MLIP: variants seen among roughly 807,000 people sequenced by gnomAD.
MLIP encodes the protein muscular LMNA interacting protein.
Under a neutral mutation model 84.8 loss-of-function variants are expected in MLIP, and 79 were observed. That is an observed-to-expected ratio of 0.93 (90% CI 0.78 to 1.12). MLIP has a LOEUF of 1.12. Among genes scored for constraint, MLIP ranks in the 50% most tolerant of loss-of-function variants. MLIP has a pLI of 0.00. For missense variants in MLIP, 1,257 were observed against 1,160.6 expected, an observed-to-expected ratio of 1.08 and a Z score of -1.21; for synonymous variants, 504 against 463.0, an observed-to-expected ratio of 1.09 and a Z score of -1.14.
intron 11 of MLIP, among the ~76,000 whole-genome samples, chr6:54,209,359 C>G (rs980671593): frequency 2.0e-5 from 3 of 152,142 alleles, no homozygotes; most frequent in Non-Finnish European, 2.9e-5. Context: ...AGCTGGTAAT[C>G]AAACTGTGTT....
At chr6:54,213,697 G>A (rs1779620465) in intron 11 of MLIP, among the ~76,000 whole-genome samples, 1 of 84,318 alleles carries the variant, frequency 1.2e-5, no homozygotes, top group African/African-American at 4.7e-5. Flanking sequence ...AATGGAGTGA[G>A]ACTTTGTCTC....
chr6:54,242,467 A>C (rs1427532390), intron 12 of MLIP, among the ~76,000 whole-genome samples: 1 of 152,198 alleles, frequency 6.6e-6, no homozygotes, highest in Non-Finnish European at 1.5e-5. Flanking sequence ...TATTAATATT[A>C]TAGTCATATA....
chr6:54,126,132 TC>T (rs1279685625), intron 3 of MLIP, among the ~76,000 whole-genome samples: 2 of 152,132 alleles, frequency 1.3e-5, no homozygotes, highest in African/African-American at 4.8e-5. Flanking sequence ...AATATTTCTT[TC>T]TTGCCTCAGA....
intron 10 of MLIP, among the ~76,000 whole-genome samples, chr6:54,200,871 A>G (rs1035688334): frequency 1.3e-5 from 2 of 152,218 alleles, no homozygotes; most frequent in African/African-American, 4.8e-5. Context: ...ACATTTATTC[A>G]AGACTCAAAA....
intron 1 of MLIP, among the ~76,000 whole-genome samples, chr6:54,056,171 T>G (rs1167761684): frequency 6.6e-6 from 1 of 152,162 alleles, no homozygotes; most frequent in Non-Finnish European, 1.5e-5. Context: ...TTACGTGAAT[T>G]ATTTGAACTA....
chr6:54,226,608 AC>A (rs1490390996), intron 11 of MLIP, among the ~76,000 whole-genome samples: 2 of 69,234 alleles, frequency 2.9e-5, no homozygotes, highest in Non-Finnish European at 8.8e-5. Flanking sequence ...AGAAAACCAA[AC>A]CAAAAAAAAA....
chr6:54,261,678 T>C, intron 13 of MLIP: 1 of 985,100 alleles, frequency 1.0e-6, no homozygotes, highest in Middle Eastern at 5.2e-4. Flanking sequence ...AAAGCAGCCA[T>C]CCCATTCCTC....
chr6:54,241,277 GTTAAA>G (rs72123432), intron 12 of MLIP, among the ~76,000 whole-genome samples: 21,047 of 150,910 alleles, frequency 0.14, 1,935 homozygotes, highest in African/African-American at 0.26. Flanking sequence ...AAACACAACT[GTTAAA>G]TTAAATATAT....
chr6:54,107,112 T>C (rs1300318044), upstream of MLIP, among the ~76,000 whole-genome samples: 1 of 152,196 alleles, frequency 6.6e-6, no homozygotes, highest in Non-Finnish European at 1.5e-5. Flanking sequence ...TCTTTCAAAT[T>C]CTACCCTGTA....
chr6:54,235,997 A>G (rs1322737173), intron 12 of MLIP, among the ~76,000 whole-genome samples: 1 of 152,130 alleles, frequency 6.6e-6, no homozygotes, highest in Non-Finnish European at 1.5e-5. Flanking sequence ...GGAGAACATT[A>G]TTACCTGCTT....
At chr6:54,152,079 A>G (rs1407232) in intron 5 of MLIP, among the ~76,000 whole-genome samples, 69,059 of 151,970 alleles carry the variant, frequency 0.45, 17,680 homozygotes, top group African/African-American at 0.7. Flanking sequence ...GGAAGCATTT[A>G]TAGCTTAAGT....
At chr6:54,150,239 T>C (rs1773300342) in intron 5 of MLIP, among the ~76,000 whole-genome samples, 1 of 152,170 alleles carries the variant, frequency 6.6e-6, no homozygotes, top group African/African-American at 2.4e-5. Flanking sequence ...GTTCTGTATA[T>C]GTAAGTGCTT....
At chr6:54,264,823 T>G (rs916828536) in intron 13 of MLIP, among the ~76,000 whole-genome samples, 13 of 152,106 alleles carry the variant, frequency 8.5e-5, no homozygotes, top group African/African-American at 2.4e-4. Flanking sequence ...TGCCTGTTGA[T>G]TTTCTATGGC....
At chr6:54,041,055 C>T (rs1488461968) in intron 1 of MLIP, 2 of 152,018 alleles carry the variant, frequency 1.3e-5, no homozygotes, top group African/African-American at 2.4e-5. Flanking sequence ...ATATACACCA[C>T]CTGAAGCTAC....
At position 54,137,450 on chromosome 6, in the gene MLIP, A is replaced by T; in HGVS notation, c.1381A>T (p.Thr461Ser). Reference protein sequence around the residue: ...LDQKEKQTPPTPKKSLSSCSL... With the variant: ...LDQKEKQTPPSPKKSLSSCSL... ...CCAAAAAGAAAAGCAGACCCCACCC[A>T]CGCCTAAAAAATCTCTCTCAAGTTG... is the stretch of plus-strand genomic sequence containing the variant. Residue 461 changes from threonine (T) to serine (S), a missense_variant, in exon 4 of 14, where the codon ACG becomes TCG. Thr to Ser is a moderately conservative substitution (Grantham distance 58, BLOSUM62 1). Transcript: ENST00000502396. The T allele has an allele frequency of 6.5e-7, 1 of 1,535,768 alleles. No homozygotes were observed. Among genetic ancestry groups the T allele is most frequent in the African/African-American group, 1.4e-5 (1 of 73,024 alleles).
chr6:54,137,849 C>T lies in MLIP; in HGVS notation c.1780C>T (p.Leu594=). The part of the protein sequence containing the change: ...STLASSALSS[L]SPPINQRATF... ...ATTAGCCTCCTCTGCATTATCTTCT[C>T]TATCTCCTCCTATTAATCAAAGAGC... Residue 594 remains leucine (L), a synonymous_variant, in exon 4 of 14, where the codon CTA becomes TTA. Coordinates refer to ENST00000502396, the MANE Select transcript of MLIP (RefSeq NM_001281747.2). 1 of 1,536,134 alleles carries T rather than the reference C, an allele frequency of 6.5e-7. No individual in the cohort carries two copies. The highest frequency in any genetic ancestry group is 8.7e-7 in the Non-Finnish European group (1 of 1,146,904).
chr6:54,110,207 T>G (rs1198349003), upstream of MLIP, among the ~76,000 whole-genome samples: 3 of 151,964 alleles, frequency 2.0e-5, no homozygotes, highest in African/African-American at 7.2e-5. Flanking sequence ...ATGGTCTCGA[T>G]CTCCTGACCT....
At chr6:54,086,693 C>T (rs915387182) in intron 1 of MLIP, among the ~76,000 whole-genome samples, 1 of 152,188 alleles carries the variant, frequency 6.6e-6, no homozygotes, top group Non-Finnish European at 1.5e-5. Flanking sequence ...TCCCCAGGGT[C>T]ATTTTCTCCA....
rs957942401 is a variant in MLIP, at chr6:54,084,564, G to A, written c.64-36883G>A. On this transcript the variant is annotated intron_variant, in intron 1 of 12. Coordinates refer to the MLIP transcript ENST00000274897. ...ACTTAATTGCTTTTCTATACCTCAA[G>A]CAGGTGGATATGTGTACATATACAA... Among the ~76,000 whole-genome samples the A allele has an allele frequency of 3.9e-5, 6 of 152,252 alleles. No individual in the cohort carries two copies. In the East Asian group the frequency reaches 1.2e-3, roughly 29 times the overall value.
Sources: allele counts gnomAD v4.1 joint callset (sites outside exome capture counted in the v4.1 genomes callset), GRCh38; gene constraint gnomAD v4.1.1; transcripts MANE v1.5; gene names NCBI Gene and HGNC (gene_info 2026-07-23, HGNC 2026-07-21).